Variants in TNRC6A observed in about 807,000 individuals in gnomAD.
TNRC6A encodes the protein trinucleotide repeat-containing gene 6A protein.
TNRC6A carries 44 observed loss-of-function variants against 221.2 expected under a neutral mutation model. The observed-to-expected ratio is 0.20, with a 90% CI of 0.16 to 0.26. The LOEUF is 0.26. TNRC6A is among the 10% of genes least tolerant of loss of function. The pLI is 1.00. For missense variants in TNRC6A, 2,199 were observed against 2,404.4 expected (o/e 0.91, Z 1.79); for synonymous variants, 847 against 838.5 (o/e 1.01, Z -0.18).
intron 3 of TNRC6A, among the ~76,000 whole-genome samples, chr16:24,754,477 T>G (rs566808942): frequency 1.3e-5 from 2 of 152,270 alleles, no homozygotes; most frequent in African/African-American, 4.8e-5. Flanking sequence ...CTTTTCTGTT[T>G]CATATCTAAG....
intron 4 of TNRC6A, among the ~76,000 whole-genome samples, chr16:24,765,144 G>A (rs542479729): frequency 1.3e-5 from 2 of 152,172 alleles, no homozygotes; most frequent in East Asian, 3.9e-4. Context: ...AATTTTTGTG[G>A]GAATCCATAA....
At chr16:24,801,292 A>AG (rs1408909133) in intron 11 of TNRC6A, among the ~76,000 whole-genome samples, 3 of 152,172 alleles carry the variant, frequency 2.0e-5, no homozygotes, top group Admixed American at 6.5e-5. Context: ...CCTAAGCAGA[A>AG]GTGGGACAAG....
rs372688279 is a variant in TNRC6A, at chr16:24,806,645, G to A, written c.4401G>A (p.Lys1467=). 4 of 1,614,072 alleles carry A rather than the reference G, an allele frequency of 2.5e-6. No individual in the cohort carries two copies. The highest frequency in any genetic ancestry group is 3.4e-6 in the Non-Finnish European group (4 of 1,180,060). ...AACTTGATCCAAACCTGTTGGTGAA[G>A]CAGCAGACTCCACCATCTCAGCAGC... ...SRQLDPNLLV[K]QQTPPSQQQP... is the part of the protein sequence containing the mutation. The change falls in exon 17 of 25, where the codon AAG becomes AAA. Residue 1467 remains lysine, a synonymous_variant. Coordinates refer to ENST00000395799, the MANE Select transcript of TNRC6A (RefSeq NM_014494.4).
At chr16:24,756,660 T>C (rs2057258482) in intron 3 of TNRC6A, among the ~76,000 whole-genome samples, 1 of 152,180 alleles carries the variant, frequency 6.6e-6, no homozygotes, top group African/African-American at 2.4e-5. Context: ...TACTTTGTTT[T>C]GTTTTGCTTT....
intron 2 of TNRC6A, chr16:24,671,184 A>G (rs2055292915): frequency 5.6e-6 from 1 of 178,878 alleles, no homozygotes; most frequent in Non-Finnish European, 1.2e-5. Flanking sequence ...CTGTGTCTAA[A>G]CCATTTGGGG....
intron 1 of TNRC6A, among the ~76,000 whole-genome samples, chr16:24,618,881 C>T (rs1053029559): frequency 2.2e-4 from 33 of 152,146 alleles, no homozygotes; most frequent in Admixed American, 2.0e-3. Flanking sequence ...CCACCCACCT[C>T]GGCCTCCCGA....
chr16:24,679,522 G>T (rs1596659825), intron 2 of TNRC6A, among the ~76,000 whole-genome samples: 1 of 151,952 alleles, frequency 6.6e-6, no homozygotes, highest in Non-Finnish European at 1.5e-5. Flanking sequence ...TGTCGCCCAG[G>T]CTGGAGTGCA....
chr16:24,742,837 A>G (rs1413383880), intron 2 of TNRC6A, among the ~76,000 whole-genome samples: 1 of 152,156 alleles, frequency 6.6e-6, no homozygotes, highest in Admixed American at 6.5e-5. Context: ...ACAAGTAGGC[A>G]GGAGAATCAC....
chr16:24,762,535 A>G (rs1362451502), intron 4 of TNRC6A, among the ~76,000 whole-genome samples: 1 of 152,206 alleles, frequency 6.6e-6, no homozygotes, highest in Non-Finnish European at 1.5e-5. Context: ...TAGTTACTGA[A>G]TTTTGGAAAT....
At chr16:24,756,026 G>A (rs1002615291) in intron 3 of TNRC6A, among the ~76,000 whole-genome samples, 1 of 152,118 alleles carries the variant, frequency 6.6e-6, no homozygotes, top group African/African-American at 2.4e-5. Flanking sequence ...TTAGGAAACT[G>A]AGACCCAGAG....
intron 3 of TNRC6A, among the ~76,000 whole-genome samples, chr16:24,755,497 C>T (rs996048163): frequency 3.9e-5 from 6 of 152,314 alleles, no homozygotes; most frequent in Middle Eastern, 3.4e-3. Context: ...GAGTTAAATC[C>T]CTTTAACCTT....
intron 1 of TNRC6A, among the ~76,000 whole-genome samples, chr16:24,635,493 G>T (rs1271639381): frequency 6.6e-6 from 1 of 152,076 alleles, no homozygotes; most frequent in East Asian, 1.9e-4. Context: ...ATGTTGGCCA[G>T]GCTGGTCTCA....
At chr16:24,636,669 T>G (rs960412014) in intron 1 of TNRC6A, among the ~76,000 whole-genome samples, 4 of 152,220 alleles carry the variant, frequency 2.6e-5, no homozygotes, top group African/African-American at 9.6e-5. Flanking sequence ...TGTTTTATTT[T>G]TATATCAATT....
Position 24,815,303 on chromosome 16 carries a change from C to T in TNRC6A, c.4829C>T (p.Pro1610Leu). The T allele has an allele frequency of 6.2e-7, 1 of 1,614,114 alleles. No individual in the cohort carries two copies. Among genetic ancestry groups the T allele is most frequent in the Non-Finnish European group, 8.5e-7 (1 of 1,179,984 alleles). ...GGCTCTAGCAGTGTTAATTGGCCAC[C>T]AGGTAAAATTTTTTCTAACACTTTC... is the stretch of plus-strand genomic sequence containing the variant. ...PNGSSSVNWP[P>L]EFRPGEPWKG... Residue 1610 changes from proline to leucine, a missense_variant and splice_region_variant, in exon 19 of 25, where the codon CCA becomes CTA. Physicochemically the swap from Pro to Leu is moderately conservative, Grantham distance 98. Around this residue, in one of 8 missense-constraint regions of TNRC6A, gnomAD observed 449 missense variants for 579.7 expected, o/e 0.77. Transcript: ENST00000395799.
intron 11 of TNRC6A, 28 bp downstream of exon 11, chr16:24,797,994 T>A (rs965472889): frequency 6.3e-7 from 1 of 1,594,378 alleles, no homozygotes; most frequent in African/African-American, 1.3e-5. Flanking sequence ...CTGTTTATAT[T>A]CCTCATTGAG....
intron 2 of TNRC6A, among the ~76,000 whole-genome samples, chr16:24,707,863 A>T (rs1378089368): frequency 6.6e-6 from 1 of 152,210 alleles, no homozygotes; most frequent in African/African-American, 2.4e-5. Context: ...GTTCAAGACC[A>T]GCCTGGCCAA....
In TNRC6A at chr16:24,745,804, C is replaced by T. The variant is rs868812349; in HGVS notation, c.54-4922C>T. Among the ~76,000 whole-genome samples, 4 of 148,728 alleles carry T rather than the reference C, an allele frequency of 2.7e-5. 1 individual carries two copies. The highest frequency in any genetic ancestry group is 5.0e-5 in the African/African-American group (2 of 40,126). On this transcript the variant is annotated intron_variant, in intron 2 of 24. Transcript: ENST00000395799. Reference sequence around the variant, plus strand: ...CTACAGGTATGTACCATCCCCCCCCCCCCCAGCTAATTGTTAGGATATTTT... The same window carrying T: ...CTACAGGTATGTACCATCCCCCCCCTCCCCAGCTAATTGTTAGGATATTTT...
At chr16:24,659,212 T>C (rs1184687230) in intron 2 of TNRC6A, among the ~76,000 whole-genome samples, 1 of 152,224 alleles carries the variant, frequency 6.6e-6, no homozygotes, top group East Asian at 1.9e-4. Flanking sequence ...GAGTGAATAC[T>C]AAACTCACTT....
At chr16:24,623,186 T>TTAC (rs1567305049) in intron 1 of TNRC6A, among the ~76,000 whole-genome samples, 84 of 129,008 alleles carry the variant, frequency 6.5e-4, no homozygotes, top group African/African-American at 2.8e-3. Context: ...TATTTATTTA[T>TTAC]TTATTTACTT....
Sources: allele counts gnomAD v4.1 joint callset (sites outside exome capture counted in the v4.1 genomes callset), GRCh38; gene constraint gnomAD v4.1.1; regional missense constraint gnomAD v4.1.1; transcripts MANE v1.5; gene names NCBI Gene and HGNC (gene_info 2026-07-23, HGNC 2026-07-21).